Variants in COL4A2 observed in about 807,000 individuals in gnomAD.
COL4A2 encodes collagen type IV alpha 2 chain, also known as collagen alpha-2(IV) chain.
COL4A2 carries 99 observed loss-of-function variants against 200.2 expected under a neutral mutation model. The observed-to-expected ratio is 0.49, with a 90% CI of 0.42 to 0.58. COL4A2 has a LOEUF of 0.58. COL4A2 is among the 20% of genes least tolerant of loss of function. The probability of loss-of-function intolerance (pLI) is 0.00; values close to 1 mark genes in which losing one functional copy is unlikely to be tolerated. For missense variants in COL4A2, 1,950 were observed against 2,314.1 expected (o/e 0.84, Z 3.23); for synonymous variants, 897 against 900.6 (o/e 1.00, Z 0.07).
chr13:110,330,102 C>T (rs1040793532), intron 3 of COL4A2, among the ~76,000 whole-genome samples: 6 of 152,140 alleles, frequency 3.9e-5, no homozygotes, highest in Admixed American at 1.3e-4. Context: ...TGAAATTAGA[C>T]GGAGAATGAG....
At chr13:110,367,681 C>T (rs1400798503) in intron 4 of COL4A2, among the ~76,000 whole-genome samples, 1 of 152,184 alleles carries the variant, frequency 6.6e-6, no homozygotes, top group Non-Finnish European at 1.5e-5. Context: ...GGAATATTGC[C>T]GTGGCCTTTG....
intron 29 of COL4A2, among the ~76,000 whole-genome samples, chr13:110,473,863 A>G (rs936139976): frequency 3.3e-5 from 5 of 152,112 alleles, no homozygotes; most frequent in African/African-American, 1.2e-4. Context: ...AGTGGCTTAC[A>G]CCTGTAATCC....
chr13:110,321,807 GC>G (rs1885285586), intron 3 of COL4A2, among the ~76,000 whole-genome samples: 1 of 152,194 alleles, frequency 6.6e-6, no homozygotes, highest in Non-Finnish European at 1.5e-5. Flanking sequence ...GAATGTACCA[GC>G]AGGGGAAATG....
At chr13:110,466,920 C>G in intron 26 of COL4A2, 120 bp from the exon 27 acceptor site, 1 of 1,244,468 alleles carries the variant, frequency 8.0e-7, no homozygotes, top group Non-Finnish European at 1.1e-6. Context: ...TTAAGTTACT[C>G]TGATCCCAGA....
At chr13:110,343,454 G>A (rs1231879698) in intron 3 of COL4A2, among the ~76,000 whole-genome samples, 1 of 152,156 alleles carries the variant, frequency 6.6e-6, no homozygotes. Context: ...ATAGGTACAC[G>A]CCGTCTGAAA....
At chr13:110,368,505 T>C (rs765576326) in intron 4 of COL4A2, among the ~76,000 whole-genome samples, 9 of 152,204 alleles carry the variant, frequency 5.9e-5, no homozygotes, top group Non-Finnish European at 1.3e-4. Flanking sequence ...TAAGCATTCT[T>C]TCTAGAGAAA....
At chr13:110,498,567 T>C (rs1304630954) in intron 40 of COL4A2, among the ~76,000 whole-genome samples, 1 of 152,204 alleles carries the variant, frequency 6.6e-6, no homozygotes, top group Non-Finnish European at 1.5e-5. Flanking sequence ...GGCCCTGTAC[T>C]TGACCACAAA....
chr13:110,403,649 T>G (rs773506502), intron 4 of COL4A2, among the ~76,000 whole-genome samples: 3 of 152,176 alleles, frequency 2.0e-5, no homozygotes, highest in Non-Finnish European at 4.4e-5. Context: ...GAATCACCCT[T>G]AAGGTTCTGT....
At chr13:110,333,004 A>G (rs1010037561) in intron 3 of COL4A2, among the ~76,000 whole-genome samples, 3 of 152,212 alleles carry the variant, frequency 2.0e-5, no homozygotes, top group African/African-American at 7.2e-5. Context: ...AGGTCCTTGC[A>G]GGCAGCCAGG....
intron 4 of COL4A2, among the ~76,000 whole-genome samples, chr13:110,423,259 C>T (rs746740436): frequency 3.2e-4 from 49 of 152,102 alleles, no homozygotes; most frequent in Non-Finnish European, 5.9e-4. Context: ...ACTTCCCCTC[C>T]CCTCCTTTCT....
intron 20 of COL4A2, among the ~76,000 whole-genome samples, chr13:110,451,346 A>G (rs1463475805): frequency 6.6e-6 from 1 of 152,228 alleles, no homozygotes; most frequent in Non-Finnish European, 1.5e-5. Context: ...AGCTTTTTAA[A>G]AACATTTTTA....
intron 47 of COL4A2, 57 bp from the exon 48 acceptor site, chr13:110,511,877 C>T: frequency 1.2e-6 from 2 of 1,610,868 alleles, no homozygotes; most frequent in South Asian, 1.1e-5. Context: ...ATGCCCTGAC[C>T]CCGTGCCACC....
chr13:110,448,735 G>A (rs553150917), intron 18 of COL4A2, among the ~76,000 whole-genome samples: 39 of 152,266 alleles, frequency 2.6e-4, no homozygotes, highest in Non-Finnish European at 5.0e-4. Flanking sequence ...TGGCTAACAG[G>A]AGTGTAGGTC....
chr13:110,430,228 AT>A, intron 8 of COL4A2, 172 bp from the exon 9 acceptor site: 1 of 808,434 alleles, frequency 1.2e-6, no homozygotes. Flanking sequence ...TTACTAAAAT[AT>A]ATTCTGACTA....
intron 3 of COL4A2, among the ~76,000 whole-genome samples, chr13:110,346,472 C>T (rs1001117744): frequency 1.3e-5 from 2 of 152,154 alleles, no homozygotes; most frequent in African/African-American, 4.8e-5. Context: ...GAAGCAGGGG[C>T]CCCAGAACTC....
At chr13:110,442,966 C>A (rs1262329698) in intron 16 of COL4A2, among the ~76,000 whole-genome samples, 1 of 152,146 alleles carries the variant, frequency 6.6e-6, no homozygotes, top group Non-Finnish European at 1.5e-5. Context: ...TCAATAGGAC[C>A]ATTGTCCTCT....
In COL4A2 at chr13:110,355,875, GGCT is replaced by G. The variant is rs1421323959; in HGVS notation, c.100-1595_100-1593del. On this transcript the variant is annotated intron_variant, in intron 3 of 47. Transcript: ENST00000360467. Reference sequence around the variant, plus strand: ...GGCTGTACTAGCTCACCTGTGTGGGGGCTGAGGGCTGCACTAGGTCACCTGTAT... The same window carrying G: ...GGCTGTACTAGCTCACCTGTGTGGGGGAGGGCTGCACTAGGTCACCTGTAT... Among the ~76,000 whole-genome samples the G allele has an allele frequency of 1.1e-4, 16 of 149,792 alleles. 2 individuals carry two copies. The highest frequency in any genetic ancestry group is 1.6e-4 in the Non-Finnish European group (11 of 67,420).
intron 4 of COL4A2, among the ~76,000 whole-genome samples, chr13:110,391,075 G>GA (rs756317928): frequency 2.0e-5 from 3 of 152,102 alleles, no homozygotes; most frequent in Admixed American, 6.5e-5. Flanking sequence ...CCTCATTCAT[G>GA]AAAAAATGCG....
chr13:110,503,356 G>A (rs1555333516), intron 42 of COL4A2, 27 bp from the exon 43 acceptor site: 6 of 1,588,484 alleles, frequency 3.8e-6, no homozygotes, highest in Non-Finnish European at 4.3e-6. Context: ...AGACTTTCGT[G>A]TCCCTAACGT....
Sources: allele counts gnomAD v4.1 joint callset (sites outside exome capture counted in the v4.1 genomes callset), GRCh38; gene constraint gnomAD v4.1.1; transcripts MANE v1.5; gene names NCBI Gene and HGNC (gene_info 2026-07-23, HGNC 2026-07-21).